The following MALRD1 variants were observed in gnomAD, a reference collection of about 807,000 sequenced individuals.
MALRD1 encodes the protein MAM and LDL receptor class A domain containing 1.
A neutral mutation model predicts 242.1 loss-of-function variants in MALRD1; 247 were observed. The observed-to-expected ratio is 1.02, with a 90% confidence interval of 0.92 to 1.13. MALRD1 has a LOEUF of 1.13. MALRD1 is among the 50% of genes most tolerant of loss of function. MALRD1 has a pLI of 0.00. For missense variants in MALRD1, 2,989 were observed against 2,533.1 expected, an observed-to-expected ratio of 1.18 and a Z score of -3.86; for synonymous variants, 995 against 866.6, an observed-to-expected ratio of 1.15 and a Z score of -2.60.
intron 29 of MALRD1, among the ~76,000 whole-genome samples, chr10:19,451,044 G>A (rs768510613): frequency 5.9e-5 from 9 of 152,128 alleles, no homozygotes; most frequent in South Asian, 2.1e-4. Flanking sequence ...AGACCATAGC[G>A]ATATCTTCTT....
chr10:19,088,575 TTA>T (rs1564383648), intron 4 of MALRD1, among the ~76,000 whole-genome samples: 23 of 52,080 alleles, frequency 4.4e-4, no homozygotes, highest in African/African-American at 1.6e-3. Flanking sequence ...TTTTTTTTAT[TTA>T]TTTATTTATT....
intron 23 of MALRD1, among the ~76,000 whole-genome samples, chr10:19,329,640 A>T (rs1165297785): frequency 6.6e-6 from 1 of 152,208 alleles, no homozygotes; most frequent in African/African-American, 2.4e-5. Flanking sequence ...TTATGTAACT[A>T]CAAATGGCAG....
chr10:19,350,584 G>T (rs71497274), intron 25 of MALRD1, among the ~76,000 whole-genome samples: 1 of 152,034 alleles, frequency 6.6e-6, no homozygotes, highest in South Asian at 2.1e-4. Flanking sequence ...CCAATGCTTA[G>T]AAGATTTTTA....
intron 39 of MALRD1, 44 bp downstream of exon 39, chr10:19,730,825 C>A: frequency 7.0e-7 from 1 of 1,438,074 alleles, no homozygotes; most frequent in Non-Finnish European, 9.5e-7. Flanking sequence ...CATATGCACA[C>A]ACATACAAAC....
At chr10:19,229,370 T>C (rs918975325) in intron 18 of MALRD1, among the ~76,000 whole-genome samples, 2 of 152,162 alleles carry the variant, frequency 1.3e-5, no homozygotes, top group Admixed American at 1.3e-4. Context: ...CAGAATTTGC[T>C]TGTGTCCCAC....
chr10:19,171,972 GATATATATCATATAA>G (rs1835003642), intron 13 of MALRD1, among the ~76,000 whole-genome samples: 1 of 30,720 alleles, frequency 3.3e-5, no homozygotes, highest in Non-Finnish European at 5.9e-5. Flanking sequence ...ACATATATGT[GATATATATCATATAA>G]TATATGTATA....
chr10:19,343,027 G>A (rs1397189228), intron 24 of MALRD1, among the ~76,000 whole-genome samples: 2 of 152,024 alleles, frequency 1.3e-5, no homozygotes, highest in African/African-American at 2.4e-5. Context: ...TGCACATAGA[G>A]TTTTTCTAAA....
chr10:19,178,766 A>G (rs1835367793), intron 14 of MALRD1, among the ~76,000 whole-genome samples: 1 of 152,160 alleles, frequency 6.6e-6, no homozygotes, highest in South Asian at 2.1e-4. Context: ...TGCAGGTTGT[A>G]TTTCATCCAG....
intron 29 of MALRD1, among the ~76,000 whole-genome samples, chr10:19,487,869 T>C (rs1251836021): frequency 6.6e-6 from 1 of 152,200 alleles, no homozygotes; most frequent in Non-Finnish European, 1.5e-5. Flanking sequence ...TACTGGTAAA[T>C]TATTTTTGGA....
rs1176071131 is a variant in MALRD1, at chr10:19,384,344, CTATATAATATATATTATATAG to C, written c.4442-3172_4442-3152del. Among the ~76,000 whole-genome samples the C allele has an allele frequency of 5.9e-5, 7 of 118,744 alleles. No individual in the cohort carries two copies. In the South Asian group the frequency reaches 9.4e-4, roughly 16 times the overall value. 77.9% of individuals were successfully genotyped at this position (118,744 alleles called of 152,430 possible). ...TATTATAGTATATATAATATAATTA[CTATATAATATATATTATATAG>C]TATATAATATAATATTTACTATATA... is the stretch of plus-strand genomic sequence containing the variant. On this transcript the variant is annotated intron_variant, in intron 26 of 39. Coordinates refer to ENST00000454679, the MANE Select transcript of MALRD1 (RefSeq NM_001142308.3).
chr10:19,582,125 C>A (rs1225075480), intron 33 of MALRD1, among the ~76,000 whole-genome samples: 1 of 151,946 alleles, frequency 6.6e-6, no homozygotes, highest in Non-Finnish European at 1.5e-5. Flanking sequence ...GATATTAGCC[C>A]TTTGTCAGAT....
chr10:19,352,290 T>C lies in MALRD1; in HGVS notation c.4434T>C (p.Leu1478=). 1 of 1,525,522 alleles carries C rather than the reference T, an allele frequency of 6.6e-7. No homozygotes were observed. Among genetic ancestry groups the C allele is most frequent in the African/African-American group, 1.6e-5 (1 of 63,774 alleles). 94.5% of individuals were successfully genotyped at this position (1,525,522 alleles called of 1,614,324 possible). ...DSVQEELAVP[L]PTGFCPLGYR... is the part of the protein sequence containing the mutation. ...TGCAAGAAGAACTGGCAGTGCCTCT[T>C]CCAACAGGTACATTCTAATCTGTGT... is the stretch of plus-strand genomic sequence containing the variant. Residue 1478 remains leucine, a synonymous_variant, in exon 26 of 40, where the codon CTT becomes CTC. Transcript: ENST00000454679.
chr10:19,337,140 A>G (rs1281533429), intron 24 of MALRD1, among the ~76,000 whole-genome samples: 3 of 152,098 alleles, frequency 2.0e-5, no homozygotes, highest in African/African-American at 7.2e-5. Context: ...ACTTTCATAT[A>G]CATATGTGTG....
At chr10:19,284,284 G>C (rs533488894) in intron 21 of MALRD1, among the ~76,000 whole-genome samples, 1 of 150,380 alleles carries the variant, frequency 6.6e-6, no homozygotes, top group Non-Finnish European at 1.5e-5. Context: ...AAGTTTTAGG[G>C]TACATGTGCA....
intron 24 of MALRD1, among the ~76,000 whole-genome samples, chr10:19,340,733 C>T (rs1046054999): frequency 3.3e-5 from 5 of 152,130 alleles, no homozygotes; most frequent in African/African-American, 1.2e-4. Flanking sequence ...TGTTTAAACA[C>T]AGGTTATTTC....
intron 19 of MALRD1, among the ~76,000 whole-genome samples, chr10:19,270,056 T>C (rs545431597): frequency 3.3e-5 from 5 of 152,202 alleles, no homozygotes; most frequent in Admixed American, 6.5e-5. Context: ...GGCTCATGCC[T>C]GTAATCCCAG....
chr10:19,338,897 A>C (rs531279238), intron 24 of MALRD1, among the ~76,000 whole-genome samples: 120 of 144,338 alleles, frequency 8.3e-4, no homozygotes, highest in African/African-American at 3.3e-3. Flanking sequence ...ACATATATAC[A>C]TATATTATAT....
rs193156740 is a variant in MALRD1, at chr10:19,251,633, A to G, written c.2992-6051A>G. Among the ~76,000 whole-genome samples the G allele has an allele frequency of 4.0e-4, 61 of 152,130 alleles. 1 individual carries two copies. The South Asian group carries it at 0.011, about 27-fold the overall frequency. On this transcript the variant is annotated intron_variant, in intron 18 of 39. Coordinates refer to ENST00000454679, the MANE Select transcript of MALRD1 (RefSeq NM_001142308.3). ...CATTAGCTTCCAAGTAGGGTAAAATATCAGGCCCTTCATGCTTTCTGATTT... is the reference window on the plus strand; with the variant it reads ...CATTAGCTTCCAAGTAGGGTAAAATGTCAGGCCCTTCATGCTTTCTGATTT...
At chr10:19,436,218 A>C (rs77957977) in intron 28 of MALRD1, among the ~76,000 whole-genome samples, 1,830 of 152,310 alleles carry the variant, frequency 0.012, 28 homozygotes, top group Admixed American at 0.026. Context: ...ACAACTGAGC[A>C]CTGTGTTGCT....
Sources: allele counts gnomAD v4.1 joint callset (sites outside exome capture counted in the v4.1 genomes callset), GRCh38; gene constraint gnomAD v4.1.1; transcripts MANE v1.5; gene names NCBI Gene and HGNC (gene_info 2026-07-23, HGNC 2026-07-21).